Variants in RBM45 observed in about 807,000 individuals in gnomAD.
RBM45 encodes RNA binding motif protein 45.
RBM45 carries 39 observed loss-of-function variants against 58.5 expected under a neutral mutation model. The observed-to-expected ratio is 0.67, with a 90% confidence interval of 0.52 to 0.87. The LOEUF (loss-of-function observed/expected upper bound fraction) is 0.87, where lower values mean the gene tolerates loss of function less well. Among genes scored for constraint, RBM45 ranks in the 40% least tolerant of loss-of-function variants. The probability of loss-of-function intolerance (pLI) is 0.00; values close to 1 mark genes in which losing one functional copy is unlikely to be tolerated. For missense variants in RBM45, 481 were observed against 581.6 expected, an observed-to-expected ratio of 0.83 and a Z score of 1.78; for synonymous variants, 193 against 203.0, an observed-to-expected ratio of 0.95 and a Z score of 0.42.
chr2:178,137,786 A>G (rs538447471), exon 4 of RBM45: 2 of 152,142 alleles, frequency 1.3e-5, no homozygotes, highest in Non-Finnish European at 2.9e-5. Flanking sequence ...TATTTATCTT[A>G]TACTTCAATT....
rs777811922 is a variant in RBM45, at chr2:178,126,009, T to C, written c.1258T>C (p.Tyr420His). ...TCGTTTTGGTAACCTGATCGAAGTT[T>C]ACCTTGTGTCAGGAAAAAATGTGGG... Reference protein sequence around the residue: ...FCRFGNLIEVYLVSGKNVGYA... With the variant: ...FCRFGNLIEVHLVSGKNVGYA... Residue 420 changes from tyrosine to histidine, a missense_variant, in exon 9 of 10, where the codon TAC (tyrosine) becomes CAC (histidine). Tyr to His is a moderately conservative substitution (Grantham distance 83). Transcript: ENST00000286070. 2 of 1,613,802 alleles carry C rather than the reference T, an allele frequency of 1.2e-6. No individual in the cohort carries two copies. The highest frequency in any genetic ancestry group is 1.7e-6 in the Non-Finnish European group (2 of 1,179,898).
intron 8 of RBM45, among the ~76,000 whole-genome samples, chr2:178,125,058 C>T (rs1393282832): frequency 1.3e-5 from 2 of 151,960 alleles, no homozygotes; most frequent in Admixed American, 6.6e-5. Flanking sequence ...ATTTGATAGA[C>T]AGGAAGCTTG....
chr2:178,113,487 T>A (rs1404076174), intron 1 of RBM45, among the ~76,000 whole-genome samples: 1 of 152,246 alleles, frequency 6.6e-6, no homozygotes, highest in Non-Finnish European at 1.5e-5. Context: ...GTTAATAGCA[T>A]ACATTTGGTT....
At chr2:178,138,522 CTG>C (rs1160598649) in exon 4 of RBM45, 1 of 152,144 alleles carries the variant, frequency 6.6e-6, no homozygotes, top group Admixed American at 6.6e-5. Flanking sequence ...GGAGCAATGT[CTG>C]TAGTTTTGTA....
intron 5 of RBM45, 140 bp downstream of exon 5, chr2:178,121,499 A>G (rs1215753925): frequency 2.5e-6 from 1 of 404,314 alleles, no homozygotes; most frequent in Admixed American, 4.5e-5. Context: ...AGTACTGCTC[A>G]TGTGACAGGA....
chr2:178,127,839 A>G (rs1440033986), intron 9 of RBM45, among the ~76,000 whole-genome samples: 1 of 152,118 alleles, frequency 6.6e-6, no homozygotes, highest in Non-Finnish European at 1.5e-5. Flanking sequence ...TGTTCTTAAA[A>G]AGGACAATAA....
chr2:178,122,958 A>G (rs1196035727), intron 5 of RBM45, among the ~76,000 whole-genome samples: 1 of 152,148 alleles, frequency 6.6e-6, no homozygotes, highest in Non-Finnish European at 1.5e-5. Context: ...TCACCCTCCT[A>G]AATTGAAATT....
chr2:178,114,240 G>A (rs892712182), intron 1 of RBM45, among the ~76,000 whole-genome samples: 1 of 152,138 alleles, frequency 6.6e-6, no homozygotes, highest in African/African-American at 2.4e-5. Context: ...ATGGAGCTGT[G>A]GTTTGCTGAC....
At chr2:178,131,406 A>C (rs1233018390), downstream of RBM45, among the ~76,000 whole-genome samples, 1 of 152,226 alleles carries the variant, frequency 6.6e-6, no homozygotes, top group Admixed American at 6.5e-5. Flanking sequence ...AATTGAGATA[A>C]GATCCTATTT....
At chr2:178,127,825 T>A (rs981461362) in intron 9 of RBM45, among the ~76,000 whole-genome samples, 1 of 152,086 alleles carries the variant, frequency 6.6e-6, no homozygotes, top group African/African-American at 2.4e-5. Context: ...ACTCAATAAA[T>A]CTTTGTTCTT....
At chr2:178,128,251 C>T (rs919495403) in intron 9 of RBM45, among the ~76,000 whole-genome samples, 2 of 151,958 alleles carry the variant, frequency 1.3e-5, no homozygotes, top group African/African-American at 2.4e-5. Context: ...CTGCCTTCCT[C>T]GGCCTCCCAA....
intron 3 of RBM45, among the ~76,000 whole-genome samples, chr2:178,135,912 A>G (rs1485354454): frequency 6.6e-6 from 1 of 152,258 alleles, no homozygotes; most frequent in Non-Finnish European, 1.5e-5. Flanking sequence ...GTTAGTGGAA[A>G]CTAGAAAGAA....
At chr2:178,132,580 T>TTTTG (rs138416648), downstream of RBM45, among the ~76,000 whole-genome samples, 22,156 of 151,736 alleles carry the variant, frequency 0.15, 1,679 homozygotes, top group Admixed American at 0.18. Context: ...TGCGGTTCTT[T>TTTTG]TTTGTTTGTT....
At chr2:178,131,260 G>T (rs1160525368), downstream of RBM45, among the ~76,000 whole-genome samples, 1 of 152,198 alleles carries the variant, frequency 6.6e-6, no homozygotes, top group Non-Finnish European at 1.5e-5. Flanking sequence ...ATTGGGCTCT[G>T]CCATGTAACT....
chr2:178,125,773 G>T, intron 8 of RBM45: 1 of 693,606 alleles, frequency 1.4e-6, no homozygotes. Context: ...AGTGAAAAAG[G>T]AGTTAGATTA....
Position 178,112,601 on chromosome 2 carries a change from A to C in RBM45, c.55A>C (p.Ser19Arg). The C allele has an allele frequency of 6.2e-7, 1 of 1,613,262 alleles. No individual in the cohort carries two copies. Among genetic ancestry groups the C allele is most frequent in the African/African-American group, 1.3e-5 (1 of 75,064 alleles). The change falls in exon 1 of 10, where the codon AGC (serine) becomes CGC (arginine). Residue 19 changes from serine (S) to arginine (R), a missense_variant. Coordinates refer to ENST00000286070, the MANE Select transcript of RBM45 (RefSeq NM_152945.4). ...CGGGGGCTTCCGCCCGGGCGTGGACAGCCTGGACGAACCGCCCAACAGCCG... is the reference window on the plus strand; with the variant it reads ...CGGGGGCTTCCGCCCGGGCGTGGACCGCCTGGACGAACCGCCCAACAGCCG... Reference protein sequence around the residue: ...SGGGFRPGVDSLDEPPNSRIF... With the variant: ...SGGGFRPGVDRLDEPPNSRIF...
Position 178,126,035 on chromosome 2 carries a change from G to A in RBM45, c.1284G>A (p.Gly428=). ...ACCTTGTGTCAGGAAAAAATGTGGG[G>A]TATGCCAAGTATGCCGATAGAATAA... is the stretch of plus-strand genomic sequence containing the variant. ...EVYLVSGKNV[G]YAKYADRISA... is the part of the protein sequence containing the mutation. Residue 428 remains glycine, a synonymous_variant, in exon 9 of 10, where the codon GGG becomes GGA. Transcript: ENST00000286070. The A allele has an allele frequency of 6.2e-7, 1 of 1,613,916 alleles. No homozygotes were observed. Among genetic ancestry groups the A allele is most frequent in the Non-Finnish European group, 8.5e-7 (1 of 1,179,860 alleles).
At chr2:178,127,145 G>A (rs746035989) in intron 9 of RBM45, among the ~76,000 whole-genome samples, 1 of 151,850 alleles carries the variant, frequency 6.6e-6, no homozygotes, top group African/African-American at 2.4e-5. Flanking sequence ...ACCGTGTTTC[G>A]ATCTCCTGAC....
intron 1 of RBM45, among the ~76,000 whole-genome samples, chr2:178,113,535 C>A (rs928535154): frequency 3.3e-5 from 5 of 152,204 alleles, no homozygotes; most frequent in Middle Eastern, 3.2e-3. Context: ...TCTTTGAAAG[C>A]AGACCAAAGT....
Sources: allele counts gnomAD v4.1 joint callset (sites outside exome capture counted in the v4.1 genomes callset), GRCh38; gene constraint gnomAD v4.1.1; transcripts MANE v1.5; gene names NCBI Gene and HGNC (gene_info 2026-07-23, HGNC 2026-07-21).